TRIM37: variants seen among roughly 807,000 people sequenced by gnomAD.
TRIM37 encodes the protein tripartite motif containing 37.
Under a neutral mutation model 129.8 loss-of-function variants are expected in TRIM37, and 80 were observed. The observed-to-expected ratio is 0.62, with a 90% confidence interval of 0.51 to 0.74. The LOEUF is 0.74. Ranked by LOEUF, TRIM37 falls within the 30% of genes least tolerant of loss-of-function variation. The pLI is 0.00. For synonymous variants in TRIM37, 389 were observed against 387.1 expected (o/e 1.00, Z -0.06); for missense variants, 1,054 against 1,176.5 (o/e 0.90, Z 1.52).
chr17:58,978,756 G>A (rs375236482), downstream of TRIM37, among the ~76,000 whole-genome samples: 1 of 152,060 alleles, frequency 6.6e-6, no homozygotes, highest in East Asian at 1.9e-4. Context: ...TAAGCTATTT[G>A]GTTACCTCAT....
chr17:59,077,957 C>G (rs2042957667), intron 7 of TRIM37, among the ~76,000 whole-genome samples: 1 of 150,866 alleles, frequency 6.6e-6, no homozygotes, highest in Admixed American at 6.6e-5. Context: ...AACCCCATCT[C>G]TACTAAAAAT....
At chr17:59,081,553 T>C (rs1386287671) in intron 5 of TRIM37, among the ~76,000 whole-genome samples, 1 of 152,176 alleles carries the variant, frequency 6.6e-6, no homozygotes, top group Non-Finnish European at 1.5e-5. Context: ...AAACTAGTCT[T>C]CTTCCATGTC....
intron 23 of TRIM37, among the ~76,000 whole-genome samples, chr17:59,000,652 AAAATATTAATAGT>A (rs2033598227): frequency 6.6e-6 from 1 of 152,196 alleles, no homozygotes; most frequent in African/African-American, 2.4e-5. Context: ...AAAACAAGGG[AAAATATTAATAGT>A]AGGTTTCTCT....
Position 59,034,438 on chromosome 17 carries a change from G to A in TRIM37, c.1754-2348C>T, listed in dbSNP as rs544164029. Among the ~76,000 whole-genome samples the A allele has an allele frequency of 3.3e-5, 5 of 151,130 alleles. No homozygotes were observed. In the South Asian group the frequency reaches 8.4e-4, roughly 25 times the overall value. ...CTTTTCTTTTTTGTTTTTTTGAGACGGAGTCTTGCCTCCCAGGTTCAAGCA... is the reference window on the plus strand; with the variant it reads ...CTTTTCTTTTTTGTTTTTTTGAGACAGAGTCTTGCCTCCCAGGTTCAAGCA... On this transcript the variant is annotated intron_variant, in intron 17 of 23. Transcript: ENST00000262294.
rs35675752 is a variant in TRIM37, at chr17:59,007,231, C to CCACACACA, written c.2695+5089_2695+5096dup. 7.9e-4 allele frequency among the ~76,000 whole-genome samples: 77 copies of CCACACACA among 97,548 alleles called. 1 individual carries two copies. The highest frequency in any genetic ancestry group is 2.3e-3 in the African/African-American group (55 of 24,294). 64.0% of individuals were successfully genotyped at this position (97,548 alleles called of 152,430 possible). On this transcript the variant is annotated intron_variant, in intron 22 of 23. Coordinates refer to ENST00000262294, the MANE Select transcript of TRIM37 (RefSeq NM_015294.6). ...CTAAAACCACCCCACCCCCACCCACCCACACACACACACACGTTCCTGATG... is the reference window on the plus strand; with the variant it reads ...CTAAAACCACCCCACCCCCACCCACCCACACACACACACACACACACACGTTCCTGATG...
Position 59,082,137 on chromosome 17 carries a change from G to A in TRIM37, c.370-918C>T, listed in dbSNP as rs141926143. On this transcript the variant is annotated intron_variant, in intron 5 of 23. Transcript: ENST00000262294. ...AACACAAAAATTAGCTGGGCGTGGT[G>A]GCATGCGCCTGTAATCCCAGCTACT... Among the ~76,000 whole-genome samples the A allele has an allele frequency of 2.5e-3, 385 of 151,794 alleles. 1 individual carries two copies. The highest frequency in any genetic ancestry group is 6.7e-3 in the African/African-American group (278 of 41,424).
At chr17:59,061,774 A>C (rs2041515261) in intron 11 of TRIM37, among the ~76,000 whole-genome samples, 1 of 152,154 alleles carries the variant, frequency 6.6e-6, no homozygotes. Flanking sequence ...TCCCCCAACG[A>C]GACAATGAAG....
the TRIM37 span, among the ~76,000 whole-genome samples, chr17:58,973,957 A>C: frequency 6.7e-6 from 1 of 148,548 alleles, no homozygotes; most frequent in African/African-American, 2.5e-5. Flanking sequence ...ATCTCAAAAA[A>C]AAAAAAAAAA....
chr17:59,054,652 T>G (rs1450808714), intron 13 of TRIM37, among the ~76,000 whole-genome samples: 1 of 151,054 alleles, frequency 6.6e-6, no homozygotes, highest in Non-Finnish European at 1.5e-5. Context: ...TAAACAGGGC[T>G]GTTGTTTTTA....
At chr17:59,083,363 G>A (rs1317701391) in intron 5 of TRIM37, among the ~76,000 whole-genome samples, 2 of 151,368 alleles carry the variant, frequency 1.3e-5, no homozygotes, top group African/African-American at 2.4e-5. Context: ...ACTTGAACCC[G>A]GGAGGCGGAG....
intron 19 of TRIM37, 139 bp from the exon 20 acceptor site, chr17:59,017,563 G>A: frequency 8.6e-7 from 1 of 1,156,518 alleles, no homozygotes; most frequent in East Asian, 2.5e-5. Context: ...ACATTCTGTA[G>A]CCCCAATTGG....
intron 14 of TRIM37, among the ~76,000 whole-genome samples, chr17:59,050,363 C>G (rs114214637): frequency 0.01 from 1,545 of 152,322 alleles, 27 homozygotes; most frequent in African/African-American, 0.035. Context: ...AATGTGGCTA[C>G]TGCAACTAAG....
chr17:59,022,594 T>C (rs191005398), intron 19 of TRIM37, among the ~76,000 whole-genome samples: 11 of 152,366 alleles, frequency 7.2e-5, no homozygotes, highest in Admixed American at 2.0e-4. Flanking sequence ...TGGAATGAAA[T>C]TGACTTACCT....
Position 59,104,318 on chromosome 17 carries a change from T to C in TRIM37, c.98A>G (p.Lys33Arg). Residue 33 changes from lysine (K) to arginine (R), a missense_variant, in exon 2 of 24, where the codon AAA becomes AGA. Around this residue, in one of 3 missense-constraint regions of TRIM37, gnomAD observed 752 missense variants for 870.8 expected, o/e 0.86. Transcript: ENST00000262294. ...CCTAATACAGCTGAAACAACACAGT[T>C]TGGAGCAATGAGGACACAGGCGTGC... is the stretch of plus-strand genomic sequence containing the variant. ...RDARLCPHCS[K>R]LCCFSCIRRW... 1 of 1,614,192 alleles carries C rather than the reference T, an allele frequency of 6.2e-7. No homozygotes were observed. Among genetic ancestry groups the C allele is most frequent in the Non-Finnish European group, 8.5e-7 (1 of 1,180,036 alleles).
intron 17 of TRIM37, among the ~76,000 whole-genome samples, chr17:59,033,508 C>T (rs566116045): frequency 2.4e-4 from 37 of 152,264 alleles, no homozygotes; most frequent in South Asian, 4.1e-4. Flanking sequence ...TCTCCACTCA[C>T]GGCAACCTCC....
intron 24 of TRIM37, among the ~76,000 whole-genome samples, chr17:58,992,354 A>T (rs1023800295): frequency 5.4e-5 from 8 of 147,128 alleles, no homozygotes; most frequent in Non-Finnish European, 1.5e-5. Flanking sequence ...AATACAGAGT[A>T]CTGTCAACCA....
downstream of TRIM37, among the ~76,000 whole-genome samples, chr17:58,995,777 G>T (rs114841797): frequency 0.029 from 4,399 of 152,108 alleles, 174 homozygotes; most frequent in African/African-American, 0.09. Context: ...TGCCTCTATC[G>T]CAGCACTTTT....
rs184180159 is a variant in TRIM37, at chr17:59,009,106, G to A, written c.2695+3222C>T. On this transcript the variant is annotated intron_variant, in intron 22 of 23. Transcript: ENST00000262294. Reference sequence around the variant, plus strand: ...GCACTGGCTCTAGGTTCAAATTCTAGCTCTTCCAAGTTCTTTTTTTTCTTT... The same window carrying A: ...GCACTGGCTCTAGGTTCAAATTCTAACTCTTCCAAGTTCTTTTTTTTCTTT... Among the ~76,000 whole-genome samples, 21 of 152,190 alleles carry A rather than the reference G, an allele frequency of 1.4e-4. No individual in the cohort carries two copies. In the East Asian group the frequency reaches 3.3e-3, roughly 24 times the overall value.
intron 19 of TRIM37, among the ~76,000 whole-genome samples, chr17:59,022,155 T>C (rs2036680826): frequency 6.6e-6 from 1 of 152,100 alleles, no homozygotes; most frequent in Non-Finnish European, 1.5e-5. Flanking sequence ...CTAAAGTGGG[T>C]TAAGGATAGT....
Sources: gnomAD v4.1 joint callset for allele counts (sites outside exome capture counted in the v4.1 genomes callset) on GRCh38, gnomAD v4.1.1 for gene constraint, gnomAD v4.1.1 regional missense constraint, MANE v1.5 for transcripts, NCBI Gene and HGNC (gene_info 2026-07-23, HGNC 2026-07-21) for gene names.